The following CLIP1 variants were observed in gnomAD, a reference collection of about 807,000 sequenced individuals.
The protein encoded by CLIP1 is CAP-Gly domain containing linker protein 1.
Under a neutral mutation model 161.6 loss-of-function variants are expected in CLIP1, and 66 were observed. That is an observed-to-expected ratio of 0.41 (90% CI 0.33 to 0.50). The LOEUF (loss-of-function observed/expected upper bound fraction) is 0.50, where lower values mean the gene tolerates loss of function less well. Among genes scored for constraint, CLIP1 ranks in the 20% least tolerant of loss-of-function variants. The probability of loss-of-function intolerance (pLI) is 0.27; values close to 1 mark genes in which losing one functional copy is unlikely to be tolerated. For synonymous variants in CLIP1, 598 were observed against 626.2 expected (o/e 0.96, Z 0.67); for missense variants, 1,376 against 1,702.0 (o/e 0.81, Z 3.37).
At position 122,394,435 on chromosome 12, in the gene CLIP1, G is replaced by A. The variant is rs1194219679; in HGVS notation, c.-106-13877C>T. Among the ~76,000 whole-genome samples the A allele has an allele frequency of 2.3e-5, 3 of 128,872 alleles. No homozygotes were observed. In the East Asian group the frequency reaches 6.9e-4, roughly 30 times the overall value. 84.5% of individuals were successfully genotyped at this position (128,872 alleles called of 152,430 possible). A position where few individuals can be genotyped will look rare whatever the true frequency, so the allele number is the denominator to read the frequency against. On this transcript the variant is annotated intron_variant, in intron 1 of 25. Coordinates refer to ENST00000620786, the MANE Select transcript of CLIP1 (RefSeq NM_001247997.2). ...AGCCGGGAAGCGGAGGTTGCAGTGA[G>A]CCAAGATTTCGCCACTGCACTCCAG...
At chr12:122,399,487 CA>C (rs1187363306) in intron 1 of CLIP1, 2 of 152,204 alleles carry the variant, frequency 1.3e-5, no homozygotes, top group African/African-American at 4.8e-5. Flanking sequence ...CATAGAGCGG[CA>C]TCACGTTGCC....
chr12:122,354,467 A>G lies in CLIP1; in HGVS notation c.1293T>C (p.Leu431=). Residue 431 remains leucine (L), a synonymous_variant, in exon 7 of 26, where the codon CTT becomes CTC. Transcript: ENST00000620786. ...TCTGGGGTCACCTTTTCTCCTCTTC[A>G]AGCTGGTTGAGAAGCTCCACCTTCT... is the stretch of plus-strand genomic sequence containing the variant. The part of the protein sequence containing the change: ...DREKVELLNQ[L]EEEKRKVEDL... 6.2e-7 allele frequency: 1 copy of G among 1,613,522 alleles called. No individual in the cohort carries two copies. Among genetic ancestry groups the G allele is most frequent in the South Asian group, 1.1e-5 (1 of 91,074 alleles).
In CLIP1 at chr12:122,351,114, C is replaced by T; in HGVS notation, c.1398G>A (p.Glu466=). The change falls in exon 9 of 26, where the codon GAG becomes GAA. Residue 466 remains glutamate, a synonymous_variant. Coordinates refer to ENST00000620786, the MANE Select transcript of CLIP1 (RefSeq NM_001247997.2). ...ACACAGTTAAGTGCCCTCTTACATT[C>T]TCAGGATCTTCAGAAATCTGGCTCT... is the stretch of plus-strand genomic sequence containing the variant. ...EQKSQISEDP[E]NTQTKLEHAR... is the part of the protein sequence containing the mutation. The T allele has an allele frequency of 6.5e-7, 1 of 1,528,930 alleles. No individual in the cohort carries two copies. The highest frequency in any genetic ancestry group is 8.7e-7 in the Non-Finnish European group (1 of 1,145,068). 94.7% of individuals were successfully genotyped at this position (1,528,930 alleles called of 1,614,324 possible).
chr12:122,389,604 C>T (rs576000284), intron 1 of CLIP1, among the ~76,000 whole-genome samples: 1 of 151,626 alleles, frequency 6.6e-6, no homozygotes, highest in Non-Finnish European at 1.5e-5. Context: ...ACTAAACATA[C>T]AAAAATTAGC....
chr12:122,372,518 C>T (rs1954505425), intron 3 of CLIP1, among the ~76,000 whole-genome samples: 1 of 150,486 alleles, frequency 6.6e-6, no homozygotes, highest in Admixed American at 6.6e-5. Context: ...ACTCACGGGG[C>T]AGAGGATGCA....
In CLIP1 at chr12:122,377,452, G is replaced by A; in HGVS notation, c.594C>T (p.Asn198=). ...LTKTASESIS[N]LSEAGSIKKG... Reference sequence around the variant, plus strand: ...TCTTGATTGAGCCAGCCTCTGAAAGGTTGGAGATAGATTCACTGGCAGTTT... The same window carrying A: ...TCTTGATTGAGCCAGCCTCTGAAAGATTGGAGATAGATTCACTGGCAGTTT... Residue 198 remains asparagine, a synonymous_variant, in exon 3 of 26, where the codon AAC becomes AAT. Coordinates refer to ENST00000620786, the MANE Select transcript of CLIP1 (RefSeq NM_001247997.2). 6.2e-7 allele frequency: 1 copy of A among 1,614,134 alleles called. No individual in the cohort carries two copies. The highest frequency in any genetic ancestry group is 8.5e-7 in the Non-Finnish European group (1 of 1,180,030).
intron 12 of CLIP1, 121 bp from the exon 13 acceptor site, chr12:122,334,826 C>A (rs904328674): frequency 8.9e-6 from 6 of 673,196 alleles, no homozygotes; most frequent in African/African-American, 1.8e-5. Context: ...TTTATTAAAA[C>A]TAATACACCT....
At chr12:122,370,482 C>T (rs1954391888) in intron 3 of CLIP1, among the ~76,000 whole-genome samples, 1 of 152,098 alleles carries the variant, frequency 6.6e-6, no homozygotes, top group African/African-American at 2.4e-5. Context: ...ATAAAGCCAT[C>T]ATATTTTCTC....
chr12:122,288,222 T>A (rs925384218), intron 21 of CLIP1, among the ~76,000 whole-genome samples: 1 of 152,104 alleles, frequency 6.6e-6, no homozygotes, highest in African/African-American at 2.4e-5. Context: ...TTAGTTGAGA[T>A]GGGGATTCAC....
intron 20 of CLIP1, among the ~76,000 whole-genome samples, chr12:122,295,843 T>C (rs531582152): frequency 2.0e-5 from 3 of 152,368 alleles, no homozygotes; most frequent in South Asian, 2.1e-4. Context: ...TGGATTGACA[T>C]TTTTTCGTTG....
At chr12:122,404,361 C>A (rs1023861055) in intron 1 of CLIP1, among the ~76,000 whole-genome samples, 1 of 152,090 alleles carries the variant, frequency 6.6e-6, no homozygotes, top group Non-Finnish European at 1.5e-5. Flanking sequence ...CTTTGGGAGG[C>A]CAAGGTGGGT....
At chr12:122,366,469 G>C (rs1954176713) in intron 3 of CLIP1, among the ~76,000 whole-genome samples, 1 of 152,078 alleles carries the variant, frequency 6.6e-6, no homozygotes, top group Admixed American at 6.6e-5. Context: ...AATAGAACAA[G>C]AAACTGTTTC....
Position 122,393,639 on chromosome 12 carries a change from C to T in CLIP1, c.-106-13081G>A, listed in dbSNP as rs529608219. On this transcript the variant is annotated intron_variant, in intron 1 of 25. Coordinates refer to ENST00000620786, the MANE Select transcript of CLIP1 (RefSeq NM_001247997.2). The stretch of plus-strand genomic sequence containing the variant: ...TAAGAGTCTAGATCTTGGCTGGGCA[C>T]GGTGGCTCCCACCTGTAATCCCAGC... 4.5e-4 allele frequency among the ~76,000 whole-genome samples: 68 copies of T among 152,116 alleles called. No homozygotes were observed. The South Asian group carries it at 0.012, about 27-fold the overall frequency.
intron 21 of CLIP1, among the ~76,000 whole-genome samples, chr12:122,286,195 A>C (rs1450569932): frequency 6.6e-6 from 1 of 152,156 alleles, no homozygotes; most frequent in Non-Finnish European, 1.5e-5. Flanking sequence ...TAAAGCACAG[A>C]CATTCTCTAA....
At chr12:122,294,336 A>C (rs1950383365) in intron 20 of CLIP1, among the ~76,000 whole-genome samples, 1 of 142,962 alleles carries the variant, frequency 7.0e-6, no homozygotes, top group Non-Finnish European at 1.6e-5. Context: ...CTCAAAAAAA[A>C]AAAAAAACAA....
At chr12:122,337,767 G>A (rs1238481244) in intron 11 of CLIP1, among the ~76,000 whole-genome samples, 1 of 152,112 alleles carries the variant, frequency 6.6e-6, no homozygotes, top group South Asian at 2.1e-4. Context: ...TGTAATCCCA[G>A]CACTTTGGGA....
intron 5 of CLIP1, among the ~76,000 whole-genome samples, chr12:122,359,473 A>C (rs566092327): frequency 4.5e-4 from 68 of 152,356 alleles, no homozygotes; most frequent in African/African-American, 1.6e-3. Flanking sequence ...CTAGAACAGC[A>C]AAGGAGGCAA....
intron 20 of CLIP1, among the ~76,000 whole-genome samples, chr12:122,293,002 CA>C (rs57326141): frequency 0.037 from 1,626 of 43,574 alleles, 11 homozygotes; most frequent in South Asian, 0.1. Context: ...GACTCTGTCT[CA>C]AAAAAAAAAA....
intron 21 of CLIP1, among the ~76,000 whole-genome samples, chr12:122,284,504 C>G (rs1444101689): frequency 6.6e-6 from 1 of 152,062 alleles, no homozygotes; most frequent in Non-Finnish European, 1.5e-5. Context: ...AGATGCCCGC[C>G]ACCGTGCCCG....
Sources: gnomAD v4.1 joint callset for allele counts (sites outside exome capture counted in the v4.1 genomes callset) on GRCh38, gnomAD v4.1.1 for gene constraint, MANE v1.5 for transcripts, NCBI Gene and HGNC (gene_info 2026-07-23, HGNC 2026-07-21) for gene names.